NTM: variants seen among roughly 807,000 people sequenced by gnomAD.
NTM encodes the protein neurotrimin, also known as IgLON family member 2.
A neutral mutation model predicts 42.1 loss-of-function variants in NTM; 13 were observed. That is an observed-to-expected ratio of 0.31 (90% CI 0.20 to 0.49). The LOEUF is 0.49. NTM is among the 20% of genes least tolerant of loss of function. The pLI is 0.99. For missense variants in NTM, 373 were observed against 452.8 expected (o/e 0.82, Z 1.60); for synonymous variants, 187 against 179.2 (o/e 1.04, Z -0.35).
At chr11:132,075,177 G>T (rs1594385103) in intron 2 of NTM, among the ~76,000 whole-genome samples, 1 of 152,218 alleles carries the variant, frequency 6.6e-6, no homozygotes, top group African/African-American at 2.4e-5. Context: ...GGTCACCAGG[G>T]GCTGGAATGA....
At chr11:131,517,615 G>A (rs2049062389) in intron 1 of NTM, among the ~76,000 whole-genome samples, 1 of 151,990 alleles carries the variant, frequency 6.6e-6, no homozygotes, top group Non-Finnish European at 1.5e-5. Context: ...TTGTTTTTAA[G>A]CTGATAAGTG....
chr11:131,789,869 T>C (rs2090634674), intron 1 of NTM, among the ~76,000 whole-genome samples: 2 of 136,626 alleles, frequency 1.5e-5, no homozygotes, highest in East Asian at 2.3e-4. Flanking sequence ...GGCAGGAGAA[T>C]GGCGTGAACC....
At chr11:131,416,479 T>C (rs771435952) in intron 1 of NTM, among the ~76,000 whole-genome samples, 7 of 152,176 alleles carry the variant, frequency 4.6e-5, no homozygotes, top group Non-Finnish European at 1.0e-4. Context: ...TCAAACACCA[T>C]AGCCTGTCTG....
At chr11:131,758,716 C>T (rs1224001223) in intron 1 of NTM, among the ~76,000 whole-genome samples, 3 of 152,102 alleles carry the variant, frequency 2.0e-5, no homozygotes, top group African/African-American at 7.2e-5. Context: ...TCTCTGCCTC[C>T]CGAGTAGCTG....
intron 2 of NTM, among the ~76,000 whole-genome samples, chr11:131,948,640 C>G (rs1184577359): frequency 6.6e-6 from 1 of 152,160 alleles, no homozygotes; most frequent in African/African-American, 2.4e-5. Flanking sequence ...TTCTCTCTGC[C>G]TGGAAAGGCC....
At chr11:131,982,047 C>CA (rs752502850) in intron 2 of NTM, among the ~76,000 whole-genome samples, 16 of 151,108 alleles carry the variant, frequency 1.1e-4, no homozygotes, top group Non-Finnish European at 2.2e-4. Context: ...AACAAGCAAA[C>CA]AAAAAAACCC....
intron 2 of NTM, among the ~76,000 whole-genome samples, chr11:131,970,382 A>G (rs529749770): frequency 6.6e-6 from 1 of 152,328 alleles, no homozygotes; most frequent in Non-Finnish European, 1.5e-5. Flanking sequence ...CTGGAACTCC[A>G]CATGGACCTT....
intron 1 of NTM, among the ~76,000 whole-genome samples, chr11:131,801,565 A>G (rs1461979475): frequency 6.6e-6 from 1 of 152,124 alleles, no homozygotes; most frequent in Non-Finnish European, 1.5e-5. Flanking sequence ...AAGGACATTC[A>G]CTTCCTCTTT....
chr11:131,784,209 C>T (rs1448759677), intron 1 of NTM, among the ~76,000 whole-genome samples: 1 of 152,118 alleles, frequency 6.6e-6, no homozygotes, highest in Non-Finnish European at 1.5e-5. Flanking sequence ...AATTGTACAA[C>T]CATTTTGGAA....
rs1404303425 is a variant in NTM, at chr11:132,335,194, A to T, written c.*48A>T. 1.9e-6 allele frequency: 3 copies of T among 1,603,074 alleles called. No homozygotes were observed. The highest frequency in any genetic ancestry group is 2.6e-6 in the Non-Finnish European group (3 of 1,175,416). The stretch of plus-strand genomic sequence containing the variant: ...GGGAAAGGCTGCCGCCACCACCACC[A>T]CCAACACAACAGCAATGGCAACACC... On this transcript the variant is annotated 3_prime_UTR_variant, in exon 9 of 9. Transcript: ENST00000683400.
intron 1 of NTM, among the ~76,000 whole-genome samples, chr11:131,577,580 A>T (rs1398958828): frequency 1.3e-5 from 2 of 152,266 alleles, no homozygotes; most frequent in Admixed American, 1.3e-4. Flanking sequence ...AAAATAGGAC[A>T]TTATTATAAT....
rs375414377 is a variant in NTM, at chr11:131,531,347, C to T, written c.82+160459C>T. Among the ~76,000 whole-genome samples the T allele has an allele frequency of 3.9e-5, 6 of 152,152 alleles. No individual in the cohort carries two copies. In the East Asian group the frequency reaches 5.8e-4, roughly 15 times the overall value. The stretch of plus-strand genomic sequence containing the variant: ...GGTGGGGGTAAAGATAGGGTTTCAC[C>T]TTGTTGCCCAGGTGGATCTCAAACT... On this transcript the variant is annotated intron_variant, in intron 1 of 8. Coordinates refer to ENST00000683400, the MANE Select transcript of NTM (RefSeq NM_001352005.2).
At chr11:131,652,672 T>C (rs1415408700) in intron 1 of NTM, among the ~76,000 whole-genome samples, 1 of 152,216 alleles carries the variant, frequency 6.6e-6, no homozygotes, top group Non-Finnish European at 1.5e-5. Context: ...TGTCAGCATC[T>C]GGATTGTGAC....
chr11:131,581,938 A>C (rs2458764), intron 1 of NTM: 92,027 of 151,872 alleles, frequency 0.61, 28,133 homozygotes, highest in South Asian at 0.69. Flanking sequence ...CTTTCCTAAT[A>C]GTTCTAATTT....
chr11:131,510,953 G>T (rs1374717971), intron 1 of NTM, among the ~76,000 whole-genome samples: 1 of 152,188 alleles, frequency 6.6e-6, no homozygotes, highest in Non-Finnish European at 1.5e-5. Flanking sequence ...TGTGTGGAAG[G>T]ACAGGGCCAT....
chr11:131,690,881 C>A (rs1278560445), intron 1 of NTM, among the ~76,000 whole-genome samples: 1 of 152,204 alleles, frequency 6.6e-6, no homozygotes, highest in Non-Finnish European at 1.5e-5. Flanking sequence ...GTCACTTCCC[C>A]ATCAGAGCGG....
chr11:131,504,404 C>G (rs573146765), intron 1 of NTM, among the ~76,000 whole-genome samples: 1 of 152,208 alleles, frequency 6.6e-6, no homozygotes, highest in Non-Finnish European at 1.5e-5. Flanking sequence ...AGGACCGCAG[C>G]TACCCAGCTC....
intron 2 of NTM, among the ~76,000 whole-genome samples, chr11:132,018,323 A>C (rs956436782): frequency 6.6e-6 from 1 of 151,966 alleles, no homozygotes; most frequent in African/African-American, 2.4e-5. Context: ...GGGGGAAAAC[A>C]TTTAGTCTTT....
intron 2 of NTM, among the ~76,000 whole-genome samples, chr11:132,005,070 G>GT (rs2070453919): frequency 6.6e-6 from 1 of 152,146 alleles, no homozygotes; most frequent in African/African-American, 2.4e-5. Flanking sequence ...TGCAGGGATG[G>GT]TAAAGGGGCA....
Sources: allele counts gnomAD v4.1 joint callset (sites outside exome capture counted in the v4.1 genomes callset), GRCh38; gene constraint gnomAD v4.1.1; transcripts MANE v1.5; gene names NCBI Gene and HGNC (gene_info 2026-07-23, HGNC 2026-07-21).